The following CMTM4 variants were observed in gnomAD, a reference collection of about 807,000 sequenced individuals.
CMTM4 encodes CKLF like MARVEL transmembrane domain containing 4.
Under a neutral mutation model 19.0 loss-of-function variants are expected in CMTM4, and 8 were observed. The observed-to-expected ratio is 0.42, with a 90% confidence interval of 0.25 to 0.76. The LOEUF is 0.76. Ranked by LOEUF, CMTM4 falls within the 30% of genes least tolerant of loss-of-function variation. The pLI is 0.27. For synonymous variants in CMTM4, 106 were observed against 121.1 expected (o/e 0.88, Z 0.82); for missense variants, 228 against 290.2 (o/e 0.79, Z 1.56).
In CMTM4 at chr16:66,620,522, C is replaced by T; in HGVS notation, c.*1536G>A. On this transcript the variant is annotated 3_prime_UTR_variant, in exon 4 of 4. Transcript: ENST00000394106. ...CAACACTGTGAGCTCAGATGCTGTCCTTTTCTGGGGAATGAGACGCCACAT... is the reference window on the plus strand; with the variant it reads ...CAACACTGTGAGCTCAGATGCTGTCTTTTTCTGGGGAATGAGACGCCACAT... 1.0e-6 allele frequency: 1 copy of T among 985,474 alleles called. No individual in the cohort carries two copies. The highest frequency in any genetic ancestry group is 1.7e-5 in the African/African-American group (1 of 57,360). The allele number at this position is 985,474 out of a possible 1,614,324, so 61.0% of individuals were successfully genotyped here.
intron 1 of CMTM4, among the ~76,000 whole-genome samples, chr16:66,659,048 A>G (rs998970626): frequency 6.6e-6 from 1 of 152,144 alleles, no homozygotes; most frequent in Non-Finnish European, 1.5e-5. Flanking sequence ...TAGAGTAACC[A>G]GGTTACAGGA....
chr16:66,646,329 G>C (rs1329284131), intron 1 of CMTM4, among the ~76,000 whole-genome samples: 1 of 152,012 alleles, frequency 6.6e-6, no homozygotes, highest in Non-Finnish European at 1.5e-5. Flanking sequence ...CTCCTGTCGT[G>C]TTTGAATATG....
In CMTM4 at chr16:66,617,503, A is replaced by G; in HGVS notation, c.*4555T>C. The G allele has an allele frequency of 7.0e-7, 1 of 1,419,132 alleles. No individual in the cohort carries two copies. Among genetic ancestry groups the G allele is most frequent in the Non-Finnish European group, 9.2e-7 (1 of 1,090,238 alleles). The allele number at this position is 1,419,132 out of a possible 1,614,324, so 87.9% of individuals were successfully genotyped here. On this transcript the variant is annotated 3_prime_UTR_variant, in exon 4 of 4. Transcript: ENST00000394106. Reference sequence around the variant, plus strand: ...TACAAAATGCCACTCACTTGCATGAAGAAGAATTAAACAGAACATTCACTT... The same window carrying G: ...TACAAAATGCCACTCACTTGCATGAGGAAGAATTAAACAGAACATTCACTT...
chr16:66,613,023 G>A, downstream of CMTM4: 1 of 702,718 alleles, frequency 1.4e-6, no homozygotes, highest in South Asian at 1.5e-5. Context: ...TTCACTAACA[G>A]GAACAAAGAC....
At chr16:66,685,693 G>C (rs2017017671) in intron 1 of CMTM4, among the ~76,000 whole-genome samples, 1 of 152,128 alleles carries the variant, frequency 6.6e-6, no homozygotes, top group African/African-American at 2.4e-5. Context: ...GCCCAGGCTG[G>C]AGTGCAGTGG....
chr16:66,679,319 T>C (rs1240521945), intron 1 of CMTM4, among the ~76,000 whole-genome samples: 2 of 152,128 alleles, frequency 1.3e-5, no homozygotes, highest in East Asian at 1.9e-4. Flanking sequence ...GGCTTCCAGC[T>C]TCCTCATCAC....
the CMTM4 span, among the ~76,000 whole-genome samples, chr16:66,602,558 CAG>C: frequency 6.6e-6 from 1 of 152,028 alleles, no homozygotes. Flanking sequence ...TTCTTTCATA[CAG>C]AGTCTCACTC....
At chr16:66,670,477 C>T (rs757884965) in intron 1 of CMTM4, among the ~76,000 whole-genome samples, 6 of 146,236 alleles carry the variant, frequency 4.1e-5, no homozygotes, top group East Asian at 2.1e-4. Context: ...CTTCTCTATA[C>T]GTATATTGCA....
Position 66,620,478 on chromosome 16 carries a change from C to T in CMTM4, c.*1580G>A. ...AGCTAACCCCAACTCCGACCCCCAGCCCAGCAGTGTTGCCTGATCAACACT... is the reference window on the plus strand; with the variant it reads ...AGCTAACCCCAACTCCGACCCCCAGTCCAGCAGTGTTGCCTGATCAACACT... On this transcript the variant is annotated 3_prime_UTR_variant, in exon 4 of 4. Coordinates refer to ENST00000394106, the MANE Select transcript of CMTM4 (RefSeq NM_181521.3). 1 of 985,494 alleles carries T rather than the reference C, an allele frequency of 1.0e-6. No individual in the cohort carries two copies. Among genetic ancestry groups the T allele is most frequent in the Non-Finnish European group, 1.2e-6 (1 of 830,010 alleles). 61.0% of individuals were successfully genotyped at this position (985,494 alleles called of 1,614,324 possible).
the CMTM4 span, chr16:66,604,564 T>TGCGGAG: frequency 1.6e-5 from 5 of 317,902 alleles, no homozygotes; most frequent in Non-Finnish European, 2.8e-5. Flanking sequence ...AGGTGGAGTC[T>TGCGGAG]GCGGAGGCCC....
chr16:66,668,912 C>T (rs1453832774), intron 1 of CMTM4, among the ~76,000 whole-genome samples: 5 of 152,196 alleles, frequency 3.3e-5, no homozygotes, highest in African/African-American at 9.7e-5. Context: ...GGTATAGCTA[C>T]GCTGGAAAAC....
intron 1 of CMTM4, among the ~76,000 whole-genome samples, chr16:66,677,308 G>C (rs1596956913): frequency 6.6e-6 from 1 of 152,244 alleles, no homozygotes; most frequent in Admixed American, 6.5e-5. Context: ...AGACAGGTGG[G>C]GGCAGGGAAG....
At chr16:66,689,793 A>G (rs533875902) in intron 1 of CMTM4, among the ~76,000 whole-genome samples, 13 of 152,198 alleles carry the variant, frequency 8.5e-5, no homozygotes, top group African/African-American at 3.1e-4. Flanking sequence ...GGATAAATCA[A>G]ATTGGTTTGG....
chr16:66,627,147 A>G (rs2144790941), intron 2 of CMTM4, among the ~76,000 whole-genome samples: 1 of 152,334 alleles, frequency 6.6e-6, no homozygotes, highest in Non-Finnish European at 1.5e-5. Context: ...AGGTCTAAGT[A>G]TAAGGAAGCA....
At chr16:66,636,229 T>C (rs1309127027) in intron 2 of CMTM4, among the ~76,000 whole-genome samples, 176 bp downstream of exon 2, 1 of 152,252 alleles carries the variant, frequency 6.6e-6, no homozygotes, top group Non-Finnish European at 1.5e-5. Flanking sequence ...ATTCAGTTTA[T>C]TTTGTAGTTT....
chr16:66,678,487 A>G (rs1351155005), intron 1 of CMTM4, among the ~76,000 whole-genome samples: 1 of 152,240 alleles, frequency 6.6e-6, no homozygotes, highest in Non-Finnish European at 1.5e-5. Context: ...GCCTTGTTAG[A>G]ACATAACTTT....
the CMTM4 span, among the ~76,000 whole-genome samples, chr16:66,608,918 G>C: frequency 2.6e-5 from 4 of 152,158 alleles, no homozygotes; most frequent in African/African-American, 9.7e-5. This position sits in a 1 kb window ranked among gnomAD's most constrained non-coding sequence, Gnocchi z 5.1. Flanking sequence ...ATGTGTCCTA[G>C]AGAAAGGGCA....
At chr16:66,629,417 C>T (rs2015806578) in intron 2 of CMTM4, among the ~76,000 whole-genome samples, 1 of 152,202 alleles carries the variant, frequency 6.6e-6, no homozygotes, top group Non-Finnish European at 1.5e-5. Flanking sequence ...CCAGTGAATT[C>T]TAACCTAATT....
Position 66,617,380 on chromosome 16 carries a change from C to CA in CMTM4, c.*4677dup, listed in dbSNP as rs1567400344. 4.3e-6 allele frequency: 7 copies of CA among 1,609,796 alleles called. No homozygotes were observed. Among genetic ancestry groups the CA allele is most frequent in the Non-Finnish European group, 5.1e-6 (6 of 1,178,110 alleles). The stretch of plus-strand genomic sequence containing the variant: ...AAAACTAGAAAGGAAAAAAAAATCC[C>CA]AAAGGTTGAAAAACTGTATCCAAAT... On this transcript the variant is annotated 3_prime_UTR_variant, in exon 4 of 4. Coordinates refer to ENST00000394106, the MANE Select transcript of CMTM4 (RefSeq NM_181521.3).
Sources: allele counts gnomAD v4.1 joint callset (sites outside exome capture counted in the v4.1 genomes callset), GRCh38; gene constraint gnomAD v4.1.1; non-coding constraint Gnocchi (gnomAD v3.1); transcripts MANE v1.5; gene names NCBI Gene and HGNC (gene_info 2026-07-23, HGNC 2026-07-21).